WWOX: variants seen among roughly 807,000 people sequenced by gnomAD.
WWOX encodes the protein WW domain-containing oxidoreductase.
WWOX carries 69 observed loss-of-function variants against 46.2 expected under a neutral mutation model. The ratio of observed to expected loss-of-function variants is 1.49; its 90% CI spans 1.23 to 1.82. WWOX has a LOEUF of 1.82. Ranked by LOEUF, WWOX falls within the 40% of genes most tolerant of loss-of-function variation. The pLI is 0.00. For synonymous variants in WWOX, 359 were observed against 202.6 expected (o/e 1.77, Z -6.56); for missense variants, 919 against 542.6 (o/e 1.69, Z -6.89).
intron 8 of WWOX, among the ~76,000 whole-genome samples, chr16:79,119,840 G>A (rs1358080985): frequency 1.3e-5 from 2 of 152,194 alleles, no homozygotes; most frequent in Non-Finnish European, 2.9e-5. Context: ...GAGACCCAGA[G>A]CCAGCAAACA....
At chr16:79,089,775 T>G (rs2048920864) in intron 8 of WWOX, among the ~76,000 whole-genome samples, 1 of 152,156 alleles carries the variant, frequency 6.6e-6, no homozygotes. Context: ...TTCATAGTGT[T>G]TGTTTGTTTC....
At chr16:78,310,903 A>AC (rs1182852672) in intron 5 of WWOX, among the ~76,000 whole-genome samples, 1 of 152,176 alleles carries the variant, frequency 6.6e-6, no homozygotes, top group Non-Finnish European at 1.5e-5. Context: ...CCTTGTTGTC[A>AC]CGATGTACAG....
chr16:78,436,235 G>T (rs554661338), intron 8 of WWOX, among the ~76,000 whole-genome samples: 1 of 152,162 alleles, frequency 6.6e-6, no homozygotes, highest in African/African-American at 2.4e-5. Context: ...TGCAAATTGG[G>T]AGTCTGGAAA....
intron 6 of WWOX, among the ~76,000 whole-genome samples, chr16:78,419,574 C>T (rs1231860821): frequency 2.9e-5 from 3 of 102,586 alleles, no homozygotes; most frequent in African/African-American, 1.1e-4. Flanking sequence ...TAGCCCCATG[C>T]AAAAGAATGA....
intron 8 of WWOX, among the ~76,000 whole-genome samples, chr16:78,805,738 C>T (rs1034955273): frequency 1.1e-4 from 17 of 152,168 alleles, no homozygotes; most frequent in African/African-American, 3.9e-4. Flanking sequence ...TGCCAACTTC[C>T]TTTAACTCTT....
intron 5 of WWOX, among the ~76,000 whole-genome samples, chr16:78,241,946 A>G (rs572228493): frequency 3.9e-5 from 6 of 152,204 alleles, no homozygotes; most frequent in Non-Finnish European, 8.8e-5. Flanking sequence ...TGCCACTGAT[A>G]AAGCAAAAGC....
chr16:79,044,826 T>C (rs2150518196), intron 8 of WWOX, among the ~76,000 whole-genome samples: 1 of 152,292 alleles, frequency 6.6e-6, no homozygotes, highest in Middle Eastern at 3.4e-3. Context: ...GGCCCAGCGC[T>C]GCCACTTAAC....
At chr16:78,768,732 G>T (rs1244556128) in intron 8 of WWOX, among the ~76,000 whole-genome samples, 1 of 152,148 alleles carries the variant, frequency 6.6e-6, no homozygotes, top group African/African-American at 2.4e-5. Context: ...AATTATCGGC[G>T]TGTTTTATGC....
intron 5 of WWOX, among the ~76,000 whole-genome samples, chr16:78,384,648 G>T (rs139856230): frequency 6.6e-6 from 1 of 152,034 alleles, no homozygotes; most frequent in Non-Finnish European, 1.5e-5. Flanking sequence ...AACAACCCAC[G>T]TGTGGGCGTT....
chr16:79,094,332 C>T (rs2049025947), intron 8 of WWOX, among the ~76,000 whole-genome samples: 1 of 151,456 alleles, frequency 6.6e-6, no homozygotes. Flanking sequence ...CGGCTCGCTG[C>T]AAACTCCAAC....
intron 8 of WWOX, among the ~76,000 whole-genome samples, chr16:78,863,224 C>T (rs1437675956): frequency 6.6e-6 from 1 of 152,132 alleles, no homozygotes; most frequent in African/African-American, 2.4e-5. Context: ...TCCCAAAGTG[C>T]TAGGATTACA....
chr16:79,015,977 T>C (rs989809023), intron 8 of WWOX, among the ~76,000 whole-genome samples: 7 of 152,194 alleles, frequency 4.6e-5, no homozygotes, highest in Non-Finnish European at 1.0e-4. Context: ...TCTTGATTTC[T>C]TGACCTCGTG....
At position 78,341,999 on chromosome 16, in the gene WWOX, C is replaced by A. The variant is rs1434296939; in HGVS notation, c.517-44861C>A. On this transcript the variant is annotated intron_variant, in intron 5 of 8. Coordinates refer to ENST00000566780, the MANE Select transcript of WWOX (RefSeq NM_016373.4). ...GGCATGGTGGTGCTCACCTATAGTACCAGGTACTTCGGAGGCTGAGGCAGC... is the reference window on the plus strand; with the variant it reads ...GGCATGGTGGTGCTCACCTATAGTAACAGGTACTTCGGAGGCTGAGGCAGC... Among the ~76,000 whole-genome samples the A allele has an allele frequency of 1.7e-5, 2 of 119,980 alleles. 1 individual carries two copies. Among genetic ancestry groups the A allele is most frequent in the South Asian group, 5.0e-4 (2 of 4,006 alleles). The allele number at this position is 119,980 out of a possible 152,430, so 78.7% of individuals were successfully genotyped here. A position where few individuals can be genotyped will look rare whatever the true frequency, so the allele number is the denominator to read the frequency against.
chr16:79,128,367 A>G (rs572610898), intron 8 of WWOX, among the ~76,000 whole-genome samples: 2 of 147,020 alleles, frequency 1.4e-5, no homozygotes, highest in Non-Finnish European at 1.5e-5. Flanking sequence ...TAGAAGTGTG[A>G]AAAACAAAAA....
chr16:78,262,950 A>C (rs1419611711), intron 5 of WWOX, among the ~76,000 whole-genome samples: 2 of 152,240 alleles, frequency 1.3e-5, no homozygotes, highest in South Asian at 2.1e-4. Flanking sequence ...AGGAGAGACA[A>C]AACAGTTTTT....
chr16:78,284,164 T>TA (rs1174511151), intron 5 of WWOX, among the ~76,000 whole-genome samples: 4 of 152,194 alleles, frequency 2.6e-5, no homozygotes, highest in Admixed American at 2.6e-4. Context: ...GTCACTGGTT[T>TA]AAGGGGTTGG....
chr16:78,342,301 A>G (rs1291327728), intron 5 of WWOX, among the ~76,000 whole-genome samples: 1 of 120,324 alleles, frequency 8.3e-6, no homozygotes, highest in Admixed American at 8.1e-5. Context: ...TGTTCCTTTC[A>G]TTACATATCC....
chr16:78,468,038 A>G (rs909892804), intron 8 of WWOX, among the ~76,000 whole-genome samples: 2 of 151,876 alleles, frequency 1.3e-5, no homozygotes, highest in Non-Finnish European at 2.9e-5. Flanking sequence ...AAAGCTCAAA[A>G]TTCTCTCTGC....
intron 5 of WWOX, among the ~76,000 whole-genome samples, chr16:78,212,744 C>T (rs1344802989): frequency 6.6e-6 from 1 of 152,154 alleles, no homozygotes; most frequent in Admixed American, 6.5e-5. Flanking sequence ...CATGAACAGT[C>T]TGGTAATGCT....
Sources: allele counts gnomAD v4.1 joint callset (sites outside exome capture counted in the v4.1 genomes callset), GRCh38; gene constraint gnomAD v4.1.1; transcripts MANE v1.5; gene names NCBI Gene and HGNC (gene_info 2026-07-23, HGNC 2026-07-21).